The following MACO1 variants were observed in gnomAD, a reference collection of about 807,000 sequenced individuals.
The protein encoded by MACO1 is macoilin.
Under a neutral mutation model 78.7 loss-of-function variants are expected in MACO1, and 14 were observed. The ratio of observed to expected loss-of-function variants is 0.18; its 90% confidence interval spans 0.12 to 0.28. The LOEUF (loss-of-function observed/expected upper bound fraction) is 0.28, where lower values mean the gene tolerates loss of function less well. Ranked by LOEUF, MACO1 falls within the 10% of genes least tolerant of loss-of-function variation. The pLI is 1.00. For missense variants in MACO1, 501 were observed against 799.0 expected (o/e 0.63, Z 4.50); for synonymous variants, 288 against 291.6 (o/e 0.99, Z 0.12).
chr1:25,446,694 A>G (rs904277468), intron 1 of MACO1, 68 bp from the exon 2 acceptor site: 26 of 1,446,974 alleles, frequency 1.8e-5, no homozygotes, highest in Admixed American at 7.1e-5. Flanking sequence ...AAACAGAAAC[A>G]GTGAATTTTC....
At chr1:25,450,784 CT>C (rs2124579681) in intron 3 of MACO1, among the ~76,000 whole-genome samples, 1 of 152,222 alleles carries the variant, frequency 6.6e-6, no homozygotes, top group East Asian at 1.9e-4. Flanking sequence ...TTTGTATTTT[CT>C]TATCCTGGGC....
chr1:25,496,028 G>A (rs934299463), intron 10 of MACO1, among the ~76,000 whole-genome samples: 4 of 152,022 alleles, frequency 2.6e-5, no homozygotes, highest in Middle Eastern at 3.4e-3. Context: ...AAAATATACC[G>A]CCAAGCTTTC....
chr1:25,462,008 G>A (rs75103272), intron 6 of MACO1, among the ~76,000 whole-genome samples: 2,324 of 152,114 alleles, frequency 0.015, 60 homozygotes, highest in African/African-American at 0.053. Flanking sequence ...CTTAGCCGTC[G>A]CCTCTGTTTC....
chr1:25,461,046 T>C (rs1329842342), intron 6 of MACO1, among the ~76,000 whole-genome samples: 3 of 151,198 alleles, frequency 2.0e-5, no homozygotes, highest in Non-Finnish European at 4.4e-5. Flanking sequence ...AAATGAAGAG[T>C]TCATGTCCTT....
intron 2 of MACO1, among the ~76,000 whole-genome samples, chr1:25,447,167 A>G (rs2043023288): frequency 6.6e-6 from 1 of 152,012 alleles, no homozygotes; most frequent in African/African-American, 2.4e-5. Flanking sequence ...GGGATGGCAT[A>G]TTCCCTCCTC....
intron 1 of MACO1, among the ~76,000 whole-genome samples, chr1:25,432,949 A>G (rs1239038053): frequency 6.6e-6 from 1 of 152,212 alleles, no homozygotes; most frequent in Non-Finnish European, 1.5e-5. Context: ...TGAAGAAGTG[A>G]ATTCATCGTT....
rs1475654682 is a variant in MACO1 at position 25,431,130 on chromosome 1, T to C, written c.32T>C (p.Leu11Pro). 2.0e-5 allele frequency: 32 copies of C among 1,597,654 alleles called. No individual in the cohort carries two copies. The highest frequency in any genetic ancestry group is 2.6e-5 in the Non-Finnish European group (31 of 1,174,390). MKRRNADCSKLRRPLKRNRIT... is the reference protein window; with the variant it reads MKRRNADCSKPRRPLKRNRIT... ...CGGCGGAACGCCGACTGCAGTAAGC[T>C]CCGCCGCCCCCTAAAGCGGAACCGG... Residue 11 changes from leucine to proline, a missense_variant, in exon 1 of 11, where the codon CTC becomes CCC. Leu to Pro is a moderately conservative substitution (Grantham distance 98, BLOSUM62 -3). Coordinates refer to ENST00000374343, the MANE Select transcript of MACO1 (RefSeq NM_018202.6).
intron 3 of MACO1, among the ~76,000 whole-genome samples, chr1:25,452,728 G>A (rs1436684147): frequency 4.2e-5 from 6 of 143,706 alleles, no homozygotes; most frequent in South Asian, 4.3e-4. Context: ...GCAGAGTCTC[G>A]CTCTGTTGCC....
intron 4 of MACO1, among the ~76,000 whole-genome samples, chr1:25,455,869 T>C (rs2043114864): frequency 6.6e-6 from 1 of 152,178 alleles, no homozygotes; most frequent in Non-Finnish European, 1.5e-5. Context: ...TGACCCTGCC[T>C]TCTAGTATTG....
intron 10 of MACO1, among the ~76,000 whole-genome samples, chr1:25,493,642 C>CA (rs931974519): frequency 7.7e-5 from 11 of 143,686 alleles, no homozygotes; most frequent in Admixed American, 4.2e-4. Flanking sequence ...TTTTCCAAAA[C>CA]AAAAAAAAAT....
At chr1:25,472,284 A>G (rs1230256383) in intron 6 of MACO1, among the ~76,000 whole-genome samples, 2 of 152,130 alleles carry the variant, frequency 1.3e-5, no homozygotes, top group Non-Finnish European at 2.9e-5. Flanking sequence ...TTACACAGGT[A>G]CATACATGCC....
At position 25,485,566 on chromosome 1, in the gene MACO1, G is replaced by A; in HGVS notation, c.1314-47G>A. On this transcript the variant is annotated intron_variant, in intron 7 of 10. Coordinates refer to ENST00000374343, the MANE Select transcript of MACO1 (RefSeq NM_018202.6). The surrounding 1 kb of genome is among the most constrained non-coding windows in gnomAD (Gnocchi z 4.3). ...GAGATGTTTCTCAAGGGTTTATAGT[G>A]GGCATTTGTAATTTTAAGACTTTAT... 1 of 1,577,274 alleles carries A rather than the reference G, an allele frequency of 6.3e-7. No homozygotes were observed. The highest frequency in any genetic ancestry group is 1.8e-5 in the Admixed American group (1 of 55,272).
intron 6 of MACO1, among the ~76,000 whole-genome samples, chr1:25,476,145 C>T (rs2043320386): frequency 6.6e-6 from 1 of 152,218 alleles, no homozygotes; most frequent in Non-Finnish European, 1.5e-5. Context: ...TTGGCACTCA[C>T]AGCTTTATTC....
rs190048116 is a variant in MACO1, at chr1:25,489,072, C to T, written c.1497-101C>T. The T allele has an allele frequency of 1.8e-3, 2,527 of 1,404,064 alleles. 22 individuals carry two copies. The African/African-American group carries it at 0.019, about 11-fold the overall frequency. The allele number at this position is 1,404,064 out of a possible 1,614,324, so 87.0% of individuals were successfully genotyped here. ...CTGACCTCAAATAATCTGCCTGCCT[C>T]GGCCTCCCAAAGTGCTGGGATTACA... is the stretch of plus-strand genomic sequence containing the variant. On this transcript the variant is annotated intron_variant, in intron 8 of 10. Coordinates refer to ENST00000374343, the MANE Select transcript of MACO1 (RefSeq NM_018202.6).
chr1:25,465,639 A>G (rs755071899), intron 6 of MACO1, among the ~76,000 whole-genome samples: 9 of 152,220 alleles, frequency 5.9e-5, no homozygotes, highest in Non-Finnish European at 1.3e-4. Flanking sequence ...TAAAATTTGT[A>G]TAAATTCATG....
intron 4 of MACO1, among the ~76,000 whole-genome samples, chr1:25,455,722 G>C (rs2043113512): frequency 6.6e-6 from 1 of 152,074 alleles, no homozygotes; most frequent in Non-Finnish European, 1.5e-5. Flanking sequence ...GATCATATCG[G>C]ATACTTATTT....
chr1:25,431,311 C>T, intron 1 of MACO1, 133 bp downstream of exon 1: 1 of 463,174 alleles, frequency 2.2e-6, no homozygotes, highest in Non-Finnish European at 3.3e-6. Context: ...GAGCGCTGGC[C>T]CCGGAGCCGC....
intron 1 of MACO1, among the ~76,000 whole-genome samples, chr1:25,431,524 G>A (rs1374383618): frequency 6.6e-6 from 1 of 151,758 alleles, no homozygotes; most frequent in Non-Finnish European, 1.5e-5. Flanking sequence ...GGCCGGGAGG[G>A]CCGCTTCCGG....
chr1:25,448,687 C>A, intron 2 of MACO1, 121 bp from the exon 3 acceptor site: 1 of 912,102 alleles, frequency 1.1e-6, no homozygotes, highest in South Asian at 3.4e-5. Context: ...ATTTGCTTTA[C>A]AGTTACCAAG....
Sources: allele counts gnomAD v4.1 joint callset (sites outside exome capture counted in the v4.1 genomes callset), GRCh38; gene constraint gnomAD v4.1.1; non-coding constraint Gnocchi (gnomAD v3.1); transcripts MANE v1.5; gene names NCBI Gene and HGNC (gene_info 2026-07-23, HGNC 2026-07-21).